TENM2: variants seen among roughly 807,000 people sequenced by gnomAD.
The protein encoded by TENM2 is teneurin-2.
In TENM2, 52 loss-of-function variants were observed where a neutral mutation model predicts 245.2. The ratio of observed to expected loss-of-function variants is 0.21; its 90% CI spans 0.17 to 0.27. The LOEUF (loss-of-function observed/expected upper bound fraction) is 0.27, where lower values mean the gene tolerates loss of function less well. TENM2 is among the 10% of genes least tolerant of loss of function. The probability of loss-of-function intolerance (pLI) is 1.00; values close to 1 mark genes in which losing one functional copy is unlikely to be tolerated. For missense variants in TENM2, 3,046 were observed against 3,666.8 expected, an observed-to-expected ratio of 0.83 and a Z score of 4.37; for synonymous variants, 1,363 against 1,438.9, an observed-to-expected ratio of 0.95 and a Z score of 1.19.
At chr5:167,830,204 A>C (rs4868808) in intron 2 of TENM2, among the ~76,000 whole-genome samples, 2 of 152,196 alleles carry the variant, frequency 1.3e-5, no homozygotes, top group African/African-American at 4.8e-5. Context: ...AATATTTAGA[A>C]TGGACTGGAT....
At position 167,875,051 on chromosome 5, in the gene TENM2, T is replaced by C. The variant is rs139959959; in HGVS notation, c.503-935T>C. On this transcript the variant is annotated intron_variant, in intron 2 of 28. Coordinates refer to ENST00000518659, the Ensembl canonical transcript of TENM2. ...GAGTACCTTATTTTTGGTCATTCAT[T>C]CAGCAGATGCGATTCTTTAGGAAGG... is the stretch of plus-strand genomic sequence containing the variant. Among the ~76,000 whole-genome samples the C allele has an allele frequency of 3.0e-3, 463 of 152,328 alleles. 1 individual carries two copies. The highest frequency in any genetic ancestry group is 0.011 in the African/African-American group (446 of 41,582).
the TENM2 span, among the ~76,000 whole-genome samples, chr5:167,205,583 C>T: frequency 6.6e-6 from 1 of 152,026 alleles, no homozygotes. Flanking sequence ...GTTCATCTTT[C>T]CTCTCAACCT....
chr5:168,164,182 G>A (rs115369807), intron 13 of TENM2, among the ~76,000 whole-genome samples: 1,657 of 152,292 alleles, frequency 0.011, 16 homozygotes, highest in Non-Finnish European at 0.017. Flanking sequence ...CAGTTGTCAT[G>A]GAGGCCTGCC....
At chr5:167,927,452 T>A (rs1044174150) in intron 3 of TENM2, among the ~76,000 whole-genome samples, 1 of 152,162 alleles carries the variant, frequency 6.6e-6, no homozygotes, top group Non-Finnish European at 1.5e-5. Flanking sequence ...AATGCAGCGG[T>A]GCTAATGTAG....
At chr5:168,008,828 A>C (rs1785015601) in intron 5 of TENM2, among the ~76,000 whole-genome samples, 1 of 152,200 alleles carries the variant, frequency 6.6e-6, no homozygotes, top group Non-Finnish European at 1.5e-5. Flanking sequence ...ATGGTTGGCC[A>C]AAACATTTTT....
chr5:167,327,697 A>C (rs906621397), intron 1 of TENM2, among the ~76,000 whole-genome samples: 1 of 152,196 alleles, frequency 6.6e-6, no homozygotes, highest in African/African-American at 2.4e-5. Flanking sequence ...TTCTAAGCAG[A>C]GGGTCCAGTA....
At chr5:167,783,929 T>C (rs1764384515) in intron 2 of TENM2, among the ~76,000 whole-genome samples, 1 of 151,782 alleles carries the variant, frequency 6.6e-6, no homozygotes, top group Admixed American at 6.6e-5. Flanking sequence ...CAAATACTAA[T>C]CTGGAATATA....
the TENM2 span, among the ~76,000 whole-genome samples, chr5:167,200,952 A>G: frequency 2.0e-5 from 3 of 152,214 alleles, no homozygotes; most frequent in Non-Finnish European, 4.4e-5. Context: ...ATCCCAAAGG[A>G]ATCATGAATC....
intron 25 of TENM2, among the ~76,000 whole-genome samples, chr5:168,237,951 G>T (rs978174845): frequency 3.9e-4 from 59 of 151,330 alleles, no homozygotes; most frequent in Non-Finnish European, 1.0e-4. Context: ...GACCATCTTG[G>T]CTAACACGGT....
chr5:167,578,280 A>G (rs1347191482), intron 2 of TENM2, among the ~76,000 whole-genome samples: 6 of 152,172 alleles, frequency 3.9e-5, no homozygotes, highest in Admixed American at 3.9e-4. Flanking sequence ...CCAGTAGCCT[A>G]TATCTTCCCC....
intron 2 of TENM2, among the ~76,000 whole-genome samples, chr5:167,388,624 T>C (rs1287370754): frequency 6.6e-6 from 1 of 152,156 alleles, no homozygotes; most frequent in Non-Finnish European, 1.5e-5. Flanking sequence ...TTCACACTTT[T>C]TGATGTAGGC....
intron 2 of TENM2, among the ~76,000 whole-genome samples, chr5:167,445,336 T>TATATATAGAGAGAG (rs368881390): frequency 4.5e-4 from 35 of 77,294 alleles, no homozygotes; most frequent in East Asian, 1.8e-3. Flanking sequence ...TATATATATA[T>TATATATAGAGAGAG]AGAGAGAGAG....
chr5:167,326,329 A>C lies in TENM2; in HGVS notation c.226+41266A>C, dbSNP rs114478594. The stretch of plus-strand genomic sequence containing the variant: ...ATGGAAGTACATCTACTTTGTTATT[A>C]AATTTCTGGAAATGGCCAAAAATCG... On this transcript the variant is annotated intron_variant, in intron 1 of 28. Transcript: ENST00000518659. Among the ~76,000 whole-genome samples the C allele has an allele frequency of 7.6e-3, 1,156 of 152,220 alleles. 20 individuals carry two copies. The highest frequency in any genetic ancestry group is 0.027 in the African/African-American group (1,117 of 41,534).
At chr5:167,362,481 A>G (rs1407980799) in intron 1 of TENM2, among the ~76,000 whole-genome samples, 1 of 152,214 alleles carries the variant, frequency 6.6e-6, no homozygotes, top group African/African-American at 2.4e-5. Flanking sequence ...TGATCCATCC[A>G]TCTCACTAGA....
chr5:167,345,194 G>A (rs559540852), intron 1 of TENM2, among the ~76,000 whole-genome samples: 2 of 152,304 alleles, frequency 1.3e-5, no homozygotes, highest in Admixed American at 1.3e-4. Flanking sequence ...TGGAAGCCAG[G>A]GAGGCTGACA....
rs576736180 is a variant in TENM2, at chr5:167,653,782, A to C, written c.503-222204A>C. The C allele has an allele frequency of 3.3e-5, 5 of 152,328 alleles. No individual in the cohort carries two copies. The East Asian group carries it at 9.7e-4, about 29-fold the overall frequency. 9.4% of individuals were successfully genotyped at this position (152,328 alleles called of 1,614,324 possible). The stretch of plus-strand genomic sequence containing the variant: ...CCATAGGGATTGGTTCTGGGGTGGC[A>C]TGTGACAAGCTAGGCAAACAGCTAA... On this transcript the variant is annotated intron_variant, in intron 2 of 28. Coordinates refer to ENST00000518659, the Ensembl canonical transcript of TENM2.
chr5:167,334,738 A>G (rs1283022012), intron 1 of TENM2, among the ~76,000 whole-genome samples: 1 of 152,178 alleles, frequency 6.6e-6, no homozygotes, highest in African/African-American at 2.4e-5. Flanking sequence ...TGCAGGTCAT[A>G]TTATTTGAAG....
At chr5:167,498,928 GA>G (rs1265675113) in intron 2 of TENM2, among the ~76,000 whole-genome samples, 2 of 152,060 alleles carry the variant, frequency 1.3e-5, no homozygotes, top group Non-Finnish European at 2.9e-5. Flanking sequence ...TTTTGTTACA[GA>G]ACCAAGGTTA....
the TENM2 span, among the ~76,000 whole-genome samples, chr5:167,252,592 C>T: frequency 6.6e-6 from 1 of 152,124 alleles, no homozygotes; most frequent in Non-Finnish European, 1.5e-5. Context: ...TACCTGGAAA[C>T]TGTACATAAC....
Sources: allele counts gnomAD v4.1 joint callset (sites outside exome capture counted in the v4.1 genomes callset), GRCh38; gene constraint gnomAD v4.1.1; transcripts MANE v1.5; gene names NCBI Gene and HGNC (gene_info 2026-07-23, HGNC 2026-07-21).